IL1RAPL1: variants seen among roughly 807,000 people sequenced by gnomAD.
IL1RAPL1 encodes the protein interleukin 1 receptor accessory protein like 1.
IL1RAPL1 carries 3 observed loss-of-function variants against 48.4 expected under a neutral mutation model. The ratio of observed to expected loss-of-function variants is 0.06; its 90% CI spans 0.03 to 0.16. The LOEUF is 0.16. Among genes scored for constraint, IL1RAPL1 ranks in the 10% least tolerant of loss-of-function variants. The pLI is 1.00. For missense variants in IL1RAPL1, 349 were observed against 530.6 expected, an observed-to-expected ratio of 0.66 and a Z score of 3.36; for synonymous variants, 185 against 187.7, an observed-to-expected ratio of 0.99 and a Z score of 0.12.
intron 2 of IL1RAPL1, among the ~76,000 whole-genome samples, chrX:29,211,577 CTT>C (rs1930769802): frequency 9.0e-6 from 1 of 111,229 alleles, no homozygotes; most frequent in South Asian, 3.8e-4. Context: ...CAGAAAGCCT[CTT>C]ATACTTGACG....
At chrX:28,968,317 G>A (rs953091498) in intron 2 of IL1RAPL1, among the ~76,000 whole-genome samples, 4 of 110,770 alleles carry the variant, frequency 3.6e-5, no homozygotes, top group African/African-American at 1.3e-4. Context: ...TAATTTGGGG[G>A]GCTGAGATAC....
chrX:29,925,778 G>A (rs755868581), intron 8 of IL1RAPL1, among the ~76,000 whole-genome samples: 42 of 110,436 alleles, frequency 3.8e-4, no homozygotes, highest in Non-Finnish European at 6.4e-4. Flanking sequence ...CGGCTTAAGC[G>A]ATCCTCCTGT....
intron 5 of IL1RAPL1, among the ~76,000 whole-genome samples, chrX:29,586,047 T>C (rs895204358): frequency 9.0e-6 from 1 of 111,471 alleles, no homozygotes; most frequent in African/African-American, 3.3e-5. Context: ...GCTTTTCAAT[T>C]TTAAGTAGTC....
At position 28,860,611 on chromosome X, in the gene IL1RAPL1, C is replaced by T. The variant is rs780474984; in HGVS notation, c.82+71186C>T. 2.6e-3 allele frequency among the ~76,000 whole-genome samples: 289 copies of T among 109,178 alleles called. 2 individuals are homozygous for T. The highest frequency in any genetic ancestry group is 4.2e-3 in the Non-Finnish European group (222 of 52,537). 94.8% of individuals were successfully genotyped at this position (109,178 alleles called of 115,157 possible). On this transcript the variant is annotated intron_variant, in intron 2 of 10. Coordinates refer to ENST00000378993, the MANE Select transcript of IL1RAPL1 (RefSeq NM_014271.4). ...TAGCTGGGATTACAGGCACACACCA[C>T]CACACCCGGCTAATTTTTTGTATTT...
At chrX:28,699,469 A>T (rs1365871311) in intron 1 of IL1RAPL1, among the ~76,000 whole-genome samples, 2 of 112,664 alleles carry the variant, frequency 1.8e-5, no homozygotes, top group African/African-American at 6.4e-5. Context: ...TTTGAAATGG[A>T]TAAATGGATA....
chrX:29,785,908 C>A (rs1195631490), intron 6 of IL1RAPL1, among the ~76,000 whole-genome samples: 1 of 109,206 alleles, frequency 9.2e-6, no homozygotes, highest in Non-Finnish European at 1.9e-5. Flanking sequence ...ATATTTTATA[C>A]CTTGTAGCTT....
chrX:29,726,997 T>C (rs1927790057), intron 6 of IL1RAPL1, among the ~76,000 whole-genome samples: 1 of 111,810 alleles, frequency 8.9e-6, no homozygotes, highest in Non-Finnish European at 1.9e-5. Flanking sequence ...CTGCATTCTT[T>C]CTGGCTTTGG....
intron 2 of IL1RAPL1, among the ~76,000 whole-genome samples, chrX:29,097,220 T>C (rs1017443823): frequency 8.9e-6 from 1 of 112,137 alleles, no homozygotes; most frequent in African/African-American, 3.2e-5. Context: ...AAGAGTGTCA[T>C]GGAAACAGAA....
At chrX:29,004,048 A>T (rs1250557816) in intron 2 of IL1RAPL1, among the ~76,000 whole-genome samples, 1 of 111,286 alleles carries the variant, frequency 9.0e-6, no homozygotes, top group Non-Finnish European at 1.9e-5. Flanking sequence ...AAACTGAGGC[A>T]GGAGAATCAC....
intron 2 of IL1RAPL1, among the ~76,000 whole-genome samples, chrX:28,991,821 A>G (rs1446968729): frequency 8.9e-6 from 1 of 112,592 alleles, no homozygotes; most frequent in Non-Finnish European, 1.9e-5. Flanking sequence ...ATGCACAGGT[A>G]GCGTTTATTT....
At chrX:29,232,751 C>T (rs1251574331) in intron 2 of IL1RAPL1, among the ~76,000 whole-genome samples, 1 of 111,875 alleles carries the variant, frequency 8.9e-6, no homozygotes, top group Non-Finnish European at 1.9e-5. Flanking sequence ...TCCAGGCCCA[C>T]ATTTTAAGTG....
chrX:28,898,193 A>C (rs1922981382), intron 2 of IL1RAPL1, among the ~76,000 whole-genome samples: 2 of 111,914 alleles, frequency 1.8e-5, no homozygotes, highest in African/African-American at 3.3e-5. Flanking sequence ...ATATGATTTG[A>C]AAGTATTTTT....
At chrX:29,692,573 C>A (rs1926802253) in intron 6 of IL1RAPL1, among the ~76,000 whole-genome samples, 1 of 112,257 alleles carries the variant, frequency 8.9e-6, no homozygotes, top group African/African-American at 3.2e-5. Flanking sequence ...CTGCATATCT[C>A]TTTTTCTATA....
chrX:29,517,789 A>G (rs1203624347), intron 5 of IL1RAPL1, among the ~76,000 whole-genome samples: 2 of 112,024 alleles, frequency 1.8e-5, no homozygotes, highest in East Asian at 2.8e-4. Flanking sequence ...CAAAAAATAC[A>G]TCTAGTAATC....
chrX:28,708,720 C>A (rs1251357768), intron 1 of IL1RAPL1, among the ~76,000 whole-genome samples: 1 of 111,215 alleles, frequency 9.0e-6, no homozygotes, highest in Non-Finnish European at 1.9e-5. Context: ...AGACAAATAT[C>A]TCATGGTTTC....
chrX:28,886,527 A>T (rs894803448), intron 2 of IL1RAPL1, among the ~76,000 whole-genome samples: 1 of 110,328 alleles, frequency 9.1e-6, no homozygotes, highest in African/African-American at 3.3e-5. Context: ...GTTTTAAAAA[A>T]AAAAGCTTCT....
intron 2 of IL1RAPL1, among the ~76,000 whole-genome samples, chrX:29,028,292 G>GTTTTTTTT (rs775964789): frequency 1.0e-4 from 8 of 80,189 alleles, no homozygotes; most frequent in Non-Finnish European, 1.7e-4. Context: ...TTTTTTGTTT[G>GTTTTTTTT]TTTTTTTTTT....
At chrX:29,508,333 G>A (rs1935358124) in intron 5 of IL1RAPL1, among the ~76,000 whole-genome samples, 1 of 111,544 alleles carries the variant, frequency 9.0e-6, no homozygotes, top group African/African-American at 3.3e-5. Context: ...TAATTGTGAT[G>A]TATGCAATTT....
At chrX:29,803,451 G>A (rs899387240) in intron 6 of IL1RAPL1, among the ~76,000 whole-genome samples, 5 of 92,974 alleles carry the variant, frequency 5.4e-5, no homozygotes, top group African/African-American at 7.8e-5. Flanking sequence ...ATGTATATAT[G>A]TGTGTATATA....
Sources: gnomAD v4.1 joint callset for allele counts (sites outside exome capture counted in the v4.1 genomes callset) on GRCh38, gnomAD v4.1.1 for gene constraint, MANE v1.5 for transcripts, NCBI Gene and HGNC (gene_info 2026-07-23, HGNC 2026-07-21) for gene names.